ZNF215: variants seen among roughly 807,000 people sequenced by gnomAD.
The protein encoded by ZNF215 is BWSCR2-associated zinc finger protein 2.
In ZNF215, 24 loss-of-function variants were observed where a neutral mutation model predicts 27.2. The observed-to-expected ratio is 0.88, with a 90% CI of 0.64 to 1.24. The LOEUF is 1.24. Among genes scored for constraint, ZNF215 ranks in the 50% most tolerant of loss-of-function variants. The probability of loss-of-function intolerance (pLI) is 0.00; values close to 1 mark genes in which losing one functional copy is unlikely to be tolerated. For missense variants in ZNF215, 675 were observed against 605.7 expected, an observed-to-expected ratio of 1.11 and a Z score of -1.20; for synonymous variants, 210 against 204.0, an observed-to-expected ratio of 1.03 and a Z score of -0.25.
At chr11:6,940,515 G>A (rs2638092) in intron 3 of ZNF215, among the ~76,000 whole-genome samples, 24,397 of 152,124 alleles carry the variant, frequency 0.16, 2,254 homozygotes, top group Middle Eastern at 0.24. Context: ...TCCCTATGTT[G>A]CTTAGGCTGG....
chr11:6,991,623 C>T (rs1851118635), downstream of ZNF215, among the ~76,000 whole-genome samples: 1 of 152,170 alleles, frequency 6.6e-6, no homozygotes, highest in South Asian at 2.1e-4. Flanking sequence ...CATCTCAGTT[C>T]AACATTTGTA....
intron 3 of ZNF215, among the ~76,000 whole-genome samples, chr11:6,939,170 A>G (rs751481575): frequency 2.6e-5 from 4 of 152,160 alleles, no homozygotes; most frequent in Non-Finnish European, 5.9e-5. Context: ...TTGTTTGCTG[A>G]TGGTCATTAG....
At chr11:6,951,135 C>G (rs146792435) in intron 6 of ZNF215, among the ~76,000 whole-genome samples, 28,799 of 152,058 alleles carry the variant, frequency 0.19, 2,804 homozygotes, top group Middle Eastern at 0.21. Flanking sequence ...TTTGCTTTGC[C>G]AGTATTTTAT....
intron 3 of ZNF215, among the ~76,000 whole-genome samples, chr11:6,939,828 G>A (rs1411185137): frequency 6.6e-6 from 1 of 152,090 alleles, no homozygotes; most frequent in Non-Finnish European, 1.5e-5. Context: ...GATACCTCAG[G>A]TATTTCCAAG....
intron 1 of ZNF215, 101 bp downstream of exon 1, chr11:6,926,786 T>A (rs906636784): frequency 1.3e-5 from 2 of 152,338 alleles, no homozygotes; most frequent in African/African-American, 4.8e-5. Flanking sequence ...GGAATCACGC[T>A]TGAGGGCGTC....
downstream of ZNF215, among the ~76,000 whole-genome samples, chr11:6,986,462 G>A (rs146912656): frequency 6.6e-6 from 1 of 151,828 alleles, no homozygotes; most frequent in Non-Finnish European, 1.5e-5. Context: ...TCTTGATATT[G>A]GCCTTGGGAA....
intron 6 of ZNF215, among the ~76,000 whole-genome samples, chr11:6,951,093 A>T (rs889813553): frequency 5.3e-5 from 8 of 152,208 alleles, no homozygotes; most frequent in Non-Finnish European, 1.2e-4. Flanking sequence ...CCACTTGATC[A>T]TGGTGGATAA....
chr11:6,952,768 C>A (rs1030518300), intron 6 of ZNF215, among the ~76,000 whole-genome samples: 1 of 152,060 alleles, frequency 6.6e-6, no homozygotes, highest in Admixed American at 6.5e-5. Flanking sequence ...TGAGTTTGAT[C>A]CTATCATTAT....
At chr11:6,952,060 A>T (rs1326248858) in intron 6 of ZNF215, among the ~76,000 whole-genome samples, 3 of 152,054 alleles carry the variant, frequency 2.0e-5, no homozygotes, top group African/African-American at 4.8e-5. Context: ...GAGTTTCTTA[A>T]CCCTGAGTTC....
At position 6,943,107 on chromosome 11, in the gene ZNF215, G is replaced by C; in HGVS notation, c.508G>C (p.Val170Leu). ...GGAACCAGTGACATTCAAAGATGTG[G>C]TTGTGGAATTCAGCAAGGAAGAGTG... The part of the protein sequence containing the change: ...PQEPVTFKDV[V>L]VEFSKEEWGQ... Residue 170 changes from valine to leucine, a missense_variant, in exon 5 of 7, where the codon GTT becomes CTT. Transcript: ENST00000278319. 1 of 1,613,774 alleles carries C rather than the reference G, an allele frequency of 6.2e-7. No homozygotes were observed. Among genetic ancestry groups the C allele is most frequent in the Non-Finnish European group, 8.5e-7 (1 of 1,179,878 alleles).
downstream of ZNF215, among the ~76,000 whole-genome samples, chr11:6,986,625 C>T (rs1851056882): frequency 1.3e-5 from 2 of 151,998 alleles, no homozygotes; most frequent in African/African-American, 4.8e-5. Flanking sequence ...ATCCAACAAA[C>T]GTCTAATATC....
At position 6,957,884 on chromosome 11, in the gene ZNF215, G is replaced by T. The variant is rs940866985; in HGVS notation, c.*1353G>T. The T allele has an allele frequency of 3.0e-6, 3 of 985,254 alleles. No individual in the cohort carries two copies. Among genetic ancestry groups the T allele is most frequent in the African/African-American group, 3.5e-5 (2 of 57,210 alleles). The allele number at this position is 985,254 out of a possible 1,614,324, so 61.0% of individuals were successfully genotyped here. A position where few individuals can be genotyped will look rare whatever the true frequency, so the allele number is the denominator to read the frequency against. ...TGTAAACTACCTCAGGATCCCATCT[G>T]GTTCTTGAGCCAAGAAGTATGACTT... On this transcript the variant is annotated 3_prime_UTR_variant, in exon 7 of 7. Coordinates refer to ENST00000278319, the MANE Select transcript of ZNF215 (RefSeq NM_013250.4).
At chr11:6,972,990 T>C (rs906295881) in intron 5 of ZNF215, among the ~76,000 whole-genome samples, 8 of 152,096 alleles carry the variant, frequency 5.3e-5, no homozygotes, top group African/African-American at 1.9e-4. Context: ...ATGTGCCATG[T>C]TGGTGTGCTG....
chr11:6,950,126 G>A (rs1379388325), intron 6 of ZNF215, among the ~76,000 whole-genome samples: 1 of 151,358 alleles, frequency 6.6e-6, no homozygotes, highest in Non-Finnish European at 1.5e-5. Flanking sequence ...TGCTGTTTTG[G>A]TTACTGTAGC....
chr11:6,952,781 T>C (rs541778036), intron 6 of ZNF215, among the ~76,000 whole-genome samples: 2 of 152,264 alleles, frequency 1.3e-5, no homozygotes, highest in South Asian at 4.1e-4. Flanking sequence ...ATCATTATGA[T>C]GTTAGCTGGT....
chr11:6,968,849 G>C (rs189166450), intron 5 of ZNF215, among the ~76,000 whole-genome samples: 91 of 151,956 alleles, frequency 6.0e-4, no homozygotes, highest in African/African-American at 2.1e-3. Flanking sequence ...CTGGGCAACA[G>C]AGCGAGACCC....
chr11:6,984,084 AGGAAGATAATT>A (rs1334997351), intron 5 of ZNF215: 40 of 400,370 alleles, frequency 1.0e-4, no homozygotes, highest in Non-Finnish European at 3.4e-5. Context: ...AAAATATTTC[AGGAAGATAATT>A]TGACAATGTC....
intron 3 of ZNF215, among the ~76,000 whole-genome samples, chr11:6,937,767 A>C (rs962573327): frequency 4.6e-5 from 7 of 151,956 alleles, no homozygotes; most frequent in Admixed American, 3.3e-4. Flanking sequence ...GTTTTTCAAC[A>C]AATATTGCTG....
chr11:6,952,534 T>C (rs2133276012), intron 6 of ZNF215, among the ~76,000 whole-genome samples: 1 of 152,236 alleles, frequency 6.6e-6, no homozygotes, highest in Admixed American at 6.5e-5. Context: ...AAAGTCTGTT[T>C]TATCAGAGAC....
Sources: gnomAD v4.1 joint callset for allele counts (sites outside exome capture counted in the v4.1 genomes callset) on GRCh38, gnomAD v4.1.1 for gene constraint, MANE v1.5 for transcripts, NCBI Gene and HGNC (gene_info 2026-07-23, HGNC 2026-07-21) for gene names.